SNAPC4: variants seen among roughly 807,000 people sequenced by gnomAD.
The protein encoded by SNAPC4 is snRNA-activating protein complex subunit 4.
In SNAPC4, 127 loss-of-function variants were observed where a neutral mutation model predicts 151.3. The observed-to-expected ratio is 0.84, with a 90% confidence interval of 0.73 to 0.97. The LOEUF is 0.97. SNAPC4 is among the 50% of genes least tolerant of loss of function. The pLI, the probability that SNAPC4 is intolerant of heterozygous loss-of-function variation, is 0.00. For missense variants in SNAPC4, 2,186 were observed against 1,935.0 expected (o/e 1.13, Z -2.43); for synonymous variants, 1,002 against 824.4 (o/e 1.22, Z -3.69).
chr9:136,380,812 G>T lies in SNAPC4; in HGVS notation c.2427C>A (p.Val809=). 3.7e-6 allele frequency: 6 copies of T among 1,611,680 alleles called. No homozygotes were observed. Among genetic ancestry groups the T allele is most frequent in the Non-Finnish European group, 4.2e-6 (5 of 1,178,858 alleles). Residue 809 remains valine, a synonymous_variant, in exon 20 of 24, where the codon GTC becomes GTA. Coordinates refer to ENST00000684778, the MANE Select transcript of SNAPC4 (RefSeq NM_003086.4). ...HIDTAGCLEV[V]RERKALPPRL... ...TGGGTGGCAGGGCCTTCCTCTCTCG[G>T]ACGACCTCCAAGCAGCCGGCAGTAT...
chr9:136,394,876 C>T lies in SNAPC4; in HGVS notation c.474G>A (p.Gly158=). 6.2e-7 allele frequency: 1 copy of T among 1,613,676 alleles called. No individual in the cohort carries two copies. Among genetic ancestry groups the T allele is most frequent in the African/African-American group, 1.3e-5 (1 of 75,066 alleles). ...CTCGTGTGTCCTCGTTGGCAGGTGG[C>T]CCCTGTCAGGGTGCACGGCATCACC... is the stretch of plus-strand genomic sequence containing the variant. ...PYFKDKVTGV[G]PPANEDTREK... Residue 158 remains glycine, a splice_region_variant and synonymous_variant, in exon 6 of 24, where the codon GGG becomes GGA. Transcript: ENST00000684778.
chr9:136,393,010 C>T (rs1414609022), intron 7 of SNAPC4, among the ~76,000 whole-genome samples: 1 of 152,216 alleles, frequency 6.6e-6, no homozygotes, highest in Admixed American at 6.5e-5. Flanking sequence ...CGCCTGCTGG[C>T]CCCCGTGTCT....
At chr9:136,397,997 C>T (rs764020578) in intron 2 of SNAPC4, among the ~76,000 whole-genome samples, 7 of 152,134 alleles carry the variant, frequency 4.6e-5, no homozygotes, top group Non-Finnish European at 8.8e-5. Context: ...CAGAAGCTCT[C>T]TGGCTGGAGT....
chr9:136,377,882 G>T lies in SNAPC4; in HGVS notation c.3945C>A (p.Ser1315=). ...GGGCCTTCTTGTGGAGTAGGAGACC[G>T]GACAGAGCTCGCAGGCTGCACAGGG... ...PPALCSLRAL[S]GLLLHKKALE... The change falls in exon 22 of 24, where the codon TCC becomes TCA. Residue 1315 remains serine (S), a synonymous_variant. Transcript: ENST00000684778. 1 of 1,611,466 alleles carries T rather than the reference G, an allele frequency of 6.2e-7. No individual in the cohort carries two copies. Among genetic ancestry groups the T allele is most frequent in the Non-Finnish European group, 8.5e-7 (1 of 1,179,826 alleles).
chr9:136,392,829 G>A (rs1451376288), intron 7 of SNAPC4, 52 bp from the exon 8 acceptor site: 29 of 1,472,174 alleles, frequency 2.0e-5, no homozygotes, highest in Non-Finnish European at 2.5e-5. Flanking sequence ...CTGCGGGGCG[G>A]GGCAGGTTCT....
In SNAPC4 at chr9:136,377,373, C is replaced by G. The variant is rs531545163; in HGVS notation, c.4284+170G>C. 4.4e-4 allele frequency among the ~76,000 whole-genome samples: 67 copies of G among 152,244 alleles called. 1 individual carries two copies. The highest frequency in any genetic ancestry group is 7.3e-5 in the Non-Finnish European group (5 of 68,038). ...CAAAGGGAGGCCACTTCTGCAGAAT[C>G]TACACGCAACTGGGCAGGCCAGGAA... On this transcript the variant is annotated intron_variant, in intron 22 of 23. Transcript: ENST00000684778.
In SNAPC4 at chr9:136,394,892, C is replaced by A; in HGVS notation, c.472-14G>T. The A allele has an allele frequency of 6.2e-7, 1 of 1,612,304 alleles. No homozygotes were observed. The highest frequency in any genetic ancestry group is 8.5e-7 in the Non-Finnish European group (1 of 1,178,834). On this transcript the variant is annotated splice_polypyrimidine_tract_variant and intron_variant, in intron 5 of 23. Transcript: ENST00000684778. Reference sequence around the variant, plus strand: ...GGCAGGTGGCCCCTGTCAGGGTGCACGGCATCACCACAAGCACAGGCCACA... The same window carrying A: ...GGCAGGTGGCCCCTGTCAGGGTGCAAGGCATCACCACAAGCACAGGCCACA...
At chr9:136,381,134 G>A (rs1175156165) in intron 19 of SNAPC4, among the ~76,000 whole-genome samples, 188 bp downstream of exon 19, 1 of 152,228 alleles carries the variant, frequency 6.6e-6, no homozygotes, top group East Asian at 1.9e-4. Flanking sequence ...GATGGGGGCA[G>A]TGCACACTGT....
chr9:136,388,550 C>T lies in SNAPC4; in HGVS notation c.1017G>A (p.Gln339=). 1 of 1,614,092 alleles carries T rather than the reference C, an allele frequency of 6.2e-7. No individual in the cohort carries two copies. The highest frequency in any genetic ancestry group is 1.3e-5 in the African/African-American group (1 of 75,072). ...CCTTGCGTTTCAGAGCTTTGTTGTGCTGCTGGAATTTCTGCAGGCACTGGA... is the reference window on the plus strand; with the variant it reads ...CCTTGCGTTTCAGAGCTTTGTTGTGTTGCTGGAATTTCTGCAGGCACTGGA... ...SAFQCLQKFQ[Q]HNKALKRKEW... Residue 339 remains glutamine, a synonymous_variant, in exon 11 of 24, where the codon CAG becomes CAA. Coordinates refer to ENST00000684778, the MANE Select transcript of SNAPC4 (RefSeq NM_003086.4).
chr9:136,378,448 C>T lies in SNAPC4; in HGVS notation c.3379G>A (p.Ala1127Thr), dbSNP rs755047012. 35 of 1,589,212 alleles carry T rather than the reference C, an allele frequency of 2.2e-5. No individual in the cohort carries two copies. Among genetic ancestry groups the T allele is most frequent in the African/African-American group, 1.1e-4 (8 of 74,422 alleles). Residue 1127 changes from alanine (A) to threonine (T), a missense_variant, in exon 22 of 24, where the codon GCC becomes ACC. Coordinates refer to ENST00000684778, the MANE Select transcript of SNAPC4 (RefSeq NM_003086.4). The stretch of plus-strand genomic sequence containing the variant: ...TGCCAAGAGCTGCTCAACGCTGGGG[C>T]CCTGGGGCCCTGGGCCGCCCGAGTC... The part of the protein sequence containing the change: ...TETRAAQGPR[A>T]PALSSSWQPP...
intron 14 of SNAPC4, 146 bp downstream of exon 14, chr9:136,384,574 A>G: frequency 1.9e-6 from 1 of 517,438 alleles, no homozygotes; most frequent in Non-Finnish European, 3.4e-6. Flanking sequence ...GCTTGAGCCC[A>G]AAAGTTTGAG....
In SNAPC4 at chr9:136,383,840, T is replaced by A. The variant is rs1833797914; in HGVS notation, c.1500+113A>T. ...GCCCTTGGCCACCCAGAAGAAGAAA[T>A]GCCAAGACCAGAAACCGAACGCCCC... On this transcript the variant is annotated intron_variant, in intron 15 of 23. Coordinates refer to ENST00000684778, the MANE Select transcript of SNAPC4 (RefSeq NM_003086.4). This position sits in a 1 kb window ranked among gnomAD's most constrained non-coding sequence, Gnocchi z 4.2. 1.5e-6 allele frequency: 2 copies of A among 1,335,378 alleles called. No homozygotes were observed. The highest frequency in any genetic ancestry group is 2.9e-5 in the African/African-American group (2 of 68,732). 82.7% of individuals were successfully genotyped at this position (1,335,378 alleles called of 1,614,324 possible).
chr9:136,397,692 G>A (rs1258059831), intron 2 of SNAPC4, among the ~76,000 whole-genome samples: 18 of 130,310 alleles, frequency 1.4e-4, no homozygotes, highest in South Asian at 8.7e-4. Flanking sequence ...CACGTGGGGT[G>A]GGGAGCACGT....
At chr9:136,396,157 G>C (rs972486709) in intron 3 of SNAPC4, among the ~76,000 whole-genome samples, 2 of 152,242 alleles carry the variant, frequency 1.3e-5, no homozygotes, top group African/African-American at 2.4e-5. Flanking sequence ...GCCTGTGTGG[G>C]AGGAAAGTCT....
intron 13 of SNAPC4, among the ~76,000 whole-genome samples, chr9:136,385,561 CCTT>C (rs143563167): frequency 0.011 from 1,579 of 143,646 alleles, 21 homozygotes; most frequent in African/African-American, 0.037. Flanking sequence ...CACTCCCCCC[CCTT>C]TTGTTTTTTT....
intron 21 of SNAPC4, 22 bp from the exon 22 acceptor site, chr9:136,379,321 AC>A: frequency 6.2e-7 from 1 of 1,611,762 alleles, no homozygotes; most frequent in Non-Finnish European, 8.5e-7. Flanking sequence ...AAAGACCCAC[AC>A]TTGATAAGCC....
chr9:136,393,008 G>A (rs1311674761), intron 7 of SNAPC4, among the ~76,000 whole-genome samples: 3 of 152,214 alleles, frequency 2.0e-5, no homozygotes, highest in South Asian at 2.1e-4. Flanking sequence ...ACCGCCTGCT[G>A]GCCCCCGTGT....
At chr9:136,380,281 G>A (rs1264393490) in intron 20 of SNAPC4, among the ~76,000 whole-genome samples, 1 of 152,032 alleles carries the variant, frequency 6.6e-6, no homozygotes, top group East Asian at 1.9e-4. Flanking sequence ...TGGGGGCAGG[G>A]TGGGGTCTGC....
Position 136,398,384 on chromosome 9 carries a change from C to T in SNAPC4, c.45G>A (p.Lys15=), listed in dbSNP as rs1282741990. ...CGGGATCCAAAATCCTTTCCAGCTC[C>T]TTGATCTCCTGTGTTATCTTCTCTC... ...AEREKITQEI[K]ELERILDPGS... The change falls in exon 2 of 24, where the codon AAG becomes AAA. Residue 15 remains lysine (K), a synonymous_variant. Transcript: ENST00000684778. 7 of 1,613,886 alleles carry T rather than the reference C, an allele frequency of 4.3e-6. No homozygotes were observed. The highest frequency in any genetic ancestry group is 1.6e-4 in the Middle Eastern group (1 of 6,080).
Sources: allele counts gnomAD v4.1 joint callset (sites outside exome capture counted in the v4.1 genomes callset), GRCh38; gene constraint gnomAD v4.1.1; non-coding constraint Gnocchi (gnomAD v3.1); transcripts MANE v1.5; gene names NCBI Gene and HGNC (gene_info 2026-07-23, HGNC 2026-07-21).